The following DPP10 variants were observed in gnomAD, a reference collection of about 807,000 sequenced individuals.
The protein encoded by DPP10 is dipeptidyl peptidase like 10.
Under a neutral mutation model 120.9 loss-of-function variants are expected in DPP10, and 33 were observed. The ratio of observed to expected loss-of-function variants is 0.27; its 90% CI spans 0.21 to 0.37. The LOEUF (loss-of-function observed/expected upper bound fraction) is 0.37. Among genes scored for constraint, DPP10 ranks in the 10% least tolerant of loss-of-function variants. The probability of loss-of-function intolerance (pLI) is 1.00; values close to 1 mark genes in which losing one functional copy is unlikely to be tolerated. For synonymous variants in DPP10, 337 were observed against 326.1 expected, an observed-to-expected ratio of 1.03 and a Z score of -0.36; for missense variants, 816 against 942.8, an observed-to-expected ratio of 0.87 and a Z score of 1.76.
At chr2:114,610,028 G>T (rs1383978726) in intron 1 of DPP10, among the ~76,000 whole-genome samples, 1 of 152,156 alleles carries the variant, frequency 6.6e-6, no homozygotes, top group African/African-American at 2.4e-5. Flanking sequence ...GGCAATGTTC[G>T]TATCTGTTTC....
chr2:115,450,912 G>T lies in DPP10; in HGVS notation c.272-48598G>T, dbSNP rs375547848. On this transcript the variant is annotated intron_variant, in intron 3 of 25. Coordinates refer to ENST00000410059, the MANE Select transcript of DPP10 (RefSeq NM_020868.6). ...GAGATAATGAAAATATTAACAGACTGCTGTTTAGTTTATAAAATGCTGTTT... is the reference window on the plus strand; with the variant it reads ...GAGATAATGAAAATATTAACAGACTTCTGTTTAGTTTATAAAATGCTGTTT... Among the ~76,000 whole-genome samples, 5 of 151,938 alleles carry T rather than the reference G, an allele frequency of 3.3e-5. No individual in the cohort carries two copies. In the South Asian group the frequency reaches 1.0e-3, roughly 32 times the overall value.
At chr2:115,099,973 A>G (rs1327885846) in intron 1 of DPP10, among the ~76,000 whole-genome samples, 2 of 152,216 alleles carry the variant, frequency 1.3e-5, no homozygotes, top group East Asian at 3.8e-4. Context: ...CCATTGTACA[A>G]TGGTTCTGAC....
chr2:114,998,539 A>C (rs902472699), intron 1 of DPP10, among the ~76,000 whole-genome samples: 5 of 152,202 alleles, frequency 3.3e-5, no homozygotes, highest in Non-Finnish European at 7.3e-5. Context: ...GAATGACCTG[A>C]GAGAGAGGAC....
chr2:115,118,017 G>A (rs556731587), intron 1 of DPP10, among the ~76,000 whole-genome samples: 7 of 152,194 alleles, frequency 4.6e-5, no homozygotes, highest in South Asian at 2.1e-4. Context: ...TATTTGCCTG[G>A]CAATAACTTT....
At chr2:115,412,369 T>G (rs2069020401) in intron 3 of DPP10, among the ~76,000 whole-genome samples, 1 of 152,206 alleles carries the variant, frequency 6.6e-6, no homozygotes, top group South Asian at 2.1e-4. Context: ...ACCACCCATG[T>G]TTTAAGATAT....
At chr2:115,030,715 CTTA>C (rs1337718006) in intron 1 of DPP10, among the ~76,000 whole-genome samples, 8 of 152,130 alleles carry the variant, frequency 5.3e-5, no homozygotes. Context: ...TCAGTTCCCA[CTTA>C]TAAGTGAGAA....
chr2:115,238,137 T>C (rs1039487270), intron 1 of DPP10, among the ~76,000 whole-genome samples: 3 of 152,164 alleles, frequency 2.0e-5, no homozygotes, highest in Non-Finnish European at 2.9e-5. Flanking sequence ...GCTGACTCTT[T>C]TGTTAGAGGC....
intron 1 of DPP10, among the ~76,000 whole-genome samples, chr2:115,048,429 C>T (rs1705224028): frequency 6.6e-6 from 1 of 152,054 alleles, no homozygotes; most frequent in Non-Finnish European, 1.5e-5. Flanking sequence ...ACTGGTGTAA[C>T]TCTTCAAAAT....
chr2:114,743,972 CA>C (rs1203817437), intron 1 of DPP10, among the ~76,000 whole-genome samples: 11 of 151,914 alleles, frequency 7.2e-5, no homozygotes, highest in Admixed American at 6.6e-4. Flanking sequence ...GTATTCTAAG[CA>C]AAACCCCAAT....
intron 1 of DPP10, among the ~76,000 whole-genome samples, chr2:115,261,386 C>T (rs1559330345): frequency 6.6e-6 from 1 of 152,046 alleles, no homozygotes; most frequent in Non-Finnish European, 1.5e-5. Context: ...TTGTATGGAA[C>T]GCATGGTGAA....
At chr2:115,695,895 G>GGA (rs1371098449) in intron 7 of DPP10, among the ~76,000 whole-genome samples, 25 of 151,866 alleles carry the variant, frequency 1.6e-4, no homozygotes, top group East Asian at 7.7e-4. Flanking sequence ...AAATACCAGT[G>GGA]GAGAGAGAGA....
chr2:114,972,266 A>G (rs542064287), intron 1 of DPP10, among the ~76,000 whole-genome samples: 1 of 152,304 alleles, frequency 6.6e-6, no homozygotes, highest in Admixed American at 6.5e-5. Context: ...GAAGTTAGGG[A>G]AACAACTGAT....
chr2:115,187,891 T>A (rs2054573384), intron 1 of DPP10, among the ~76,000 whole-genome samples: 1 of 152,024 alleles, frequency 6.6e-6, no homozygotes, highest in Non-Finnish European at 1.5e-5. Context: ...TGATGGTACA[T>A]GCCTGTAGTC....
At chr2:114,941,287 A>G (rs1467509648) in intron 1 of DPP10, among the ~76,000 whole-genome samples, 7 of 152,098 alleles carry the variant, frequency 4.6e-5, no homozygotes, top group Admixed American at 4.6e-4. Context: ...CTCCCAGGGT[A>G]TTTGCTGAAA....
At chr2:114,561,254 A>G (rs1342830739) in intron 1 of DPP10, among the ~76,000 whole-genome samples, 2 of 152,178 alleles carry the variant, frequency 1.3e-5, no homozygotes, top group Non-Finnish European at 2.9e-5. Context: ...TGCTATCCAT[A>G]TGATATTGGA....
At chr2:115,602,523 C>G (rs1244059366) in intron 5 of DPP10, among the ~76,000 whole-genome samples, 1 of 151,972 alleles carries the variant, frequency 6.6e-6, no homozygotes, top group Non-Finnish European at 1.5e-5. Flanking sequence ...TTTTTTTAGT[C>G]TTTCTATTTG....
At chr2:115,225,548 A>T (rs1210207904) in intron 1 of DPP10, among the ~76,000 whole-genome samples, 3 of 151,566 alleles carry the variant, frequency 2.0e-5, no homozygotes, top group African/African-American at 7.3e-5. Flanking sequence ...TATATCTGGA[A>T]CTCAGGGAAG....
At chr2:114,740,073 C>T (rs966132172) in intron 1 of DPP10, among the ~76,000 whole-genome samples, 3 of 151,454 alleles carry the variant, frequency 2.0e-5, no homozygotes, top group African/African-American at 7.3e-5. Context: ...TTTATTGCAG[C>T]ACTATTCACA....
chr2:115,466,484 C>T (rs532208497), intron 3 of DPP10, among the ~76,000 whole-genome samples: 34 of 152,176 alleles, frequency 2.2e-4, no homozygotes, highest in African/African-American at 7.5e-4. Flanking sequence ...GTTTAGATTA[C>T]TTTAACTTTT....
Sources: allele counts gnomAD v4.1 joint callset (sites outside exome capture counted in the v4.1 genomes callset), GRCh38; gene constraint gnomAD v4.1.1; transcripts MANE v1.5; gene names NCBI Gene and HGNC (gene_info 2026-07-23, HGNC 2026-07-21).